The following PCDH7 variants were observed in gnomAD, a reference collection of about 807,000 sequenced individuals.
The protein encoded by PCDH7 is protocadherin 7, also known as protocadherin-7.
A neutral mutation model predicts 58.9 loss-of-function variants in PCDH7; 17 were observed. The ratio of observed to expected loss-of-function variants is 0.29; its 90% confidence interval spans 0.20 to 0.43. PCDH7 has a LOEUF of 0.43. Among genes scored for constraint, PCDH7 ranks in the 20% least tolerant of loss-of-function variants. The probability of loss-of-function intolerance (pLI) is 1.00; values close to 1 mark genes in which losing one functional copy is unlikely to be tolerated. For missense variants in PCDH7, 1,274 were observed against 1,441.0 expected, an observed-to-expected ratio of 0.88 and a Z score of 1.88; for synonymous variants, 664 against 616.4, an observed-to-expected ratio of 1.08 and a Z score of -1.14.
intron 3 of PCDH7, among the ~76,000 whole-genome samples, chr4:31,009,060 T>A (rs141527909): frequency 1.3e-5 from 2 of 152,104 alleles, no homozygotes; most frequent in African/African-American, 2.4e-5. Context: ...ATTTGGAAAA[T>A]TATTGACACA....
chr4:31,118,197 T>C (rs1300650694), intron 3 of PCDH7, among the ~76,000 whole-genome samples: 3 of 152,190 alleles, frequency 2.0e-5, no homozygotes, highest in South Asian at 2.1e-4. Context: ...AAACCCATGG[T>C]TCTTTTAAAA....
chr4:30,851,049 T>A (rs1327792875), intron 1 of PCDH7, among the ~76,000 whole-genome samples: 1 of 152,104 alleles, frequency 6.6e-6, no homozygotes, highest in African/African-American at 2.4e-5. Context: ...TTTATAGGAC[T>A]ACTTTTGGAA....
chr4:31,046,409 A>T (rs1280442436), intron 3 of PCDH7, among the ~76,000 whole-genome samples: 1 of 152,012 alleles, frequency 6.6e-6, no homozygotes, highest in Non-Finnish European at 1.5e-5. Context: ...AGATTATATG[A>T]GTTATATATG....
chr4:30,757,721 C>G (rs1295217571), intron 1 of PCDH7, among the ~76,000 whole-genome samples: 1 of 152,162 alleles, frequency 6.6e-6, no homozygotes, highest in Non-Finnish European at 1.5e-5. Flanking sequence ...AATCACTTTG[C>G]ATTCCAATTA....
intron 3 of PCDH7, among the ~76,000 whole-genome samples, chr4:31,051,868 A>C (rs1022327043): frequency 2.0e-5 from 3 of 151,588 alleles, no homozygotes; most frequent in African/African-American, 7.3e-5. Context: ...ATGATATTTC[A>C]TTTATTTAAT....
At chr4:30,929,355 T>G (rs2109424289) in intron 2 of PCDH7, among the ~76,000 whole-genome samples, 1 of 152,294 alleles carries the variant, frequency 6.6e-6, no homozygotes, top group East Asian at 1.9e-4. Context: ...ATAGGTTGCT[T>G]TGTTTTTAAA....
intron 3 of PCDH7, among the ~76,000 whole-genome samples, chr4:31,077,747 T>C (rs555797832): frequency 6.6e-6 from 1 of 152,264 alleles, no homozygotes; most frequent in South Asian, 2.1e-4. Context: ...ACATTTTATA[T>C]GACAAGATGA....
At chr4:31,140,116 G>A (rs76145880) in intron 3 of PCDH7, among the ~76,000 whole-genome samples, 1,853 of 152,282 alleles carry the variant, frequency 0.012, 18 homozygotes, top group Middle Eastern at 0.024. Flanking sequence ...TTTAATAAAT[G>A]ATTATAATCT....
intron 3 of PCDH7, among the ~76,000 whole-genome samples, chr4:30,964,242 A>ATTT (rs1250300930): frequency 1.2e-4 from 6 of 48,412 alleles, no homozygotes; most frequent in East Asian, 1.2e-3. Flanking sequence ...TTATTTATTT[A>ATTT]TTTATTTATT....
In PCDH7 at chr4:30,721,379, G is replaced by A. The variant is rs1306416249; in HGVS notation, c.-44G>A. Reference sequence around the variant, plus strand: ...GGCCCCGGAGGAGGGGGGCGCCGAGGGGGCTGTGGTTAGAAGGAGCAGTAG... The same window carrying A: ...GGCCCCGGAGGAGGGGGGCGCCGAGAGGGCTGTGGTTAGAAGGAGCAGTAG... On this transcript the variant is annotated 5_prime_UTR_variant, in exon 1 of 2. Transcript: ENST00000361762. This position sits in a 1 kb window ranked among gnomAD's most constrained non-coding sequence, Gnocchi z 6.7. The A allele has an allele frequency of 7.0e-7, 1 of 1,431,888 alleles. No homozygotes were observed. Among genetic ancestry groups the A allele is most frequent in the East Asian group, 2.6e-5 (1 of 39,050 alleles). The allele number at this position is 1,431,888 out of a possible 1,614,324, so 88.7% of individuals were successfully genotyped here.
chr4:31,105,803 C>T (rs1469452797), intron 3 of PCDH7, among the ~76,000 whole-genome samples: 6 of 151,870 alleles, frequency 4.0e-5, no homozygotes, highest in Non-Finnish European at 5.9e-5. Flanking sequence ...GTCAGGAGAT[C>T]GAGACCATCC....
chr4:30,907,018 G>C (rs1273130732), intron 1 of PCDH7, among the ~76,000 whole-genome samples: 1 of 152,026 alleles, frequency 6.6e-6, no homozygotes, highest in Admixed American at 6.6e-5. Flanking sequence ...GTGAGACTCA[G>C]TCTCAAAAAT....
At chr4:31,056,445 A>AAG (rs1206822684) in intron 3 of PCDH7, among the ~76,000 whole-genome samples, 642 of 52,238 alleles carry the variant, frequency 0.012, 14 homozygotes, top group African/African-American at 0.064. Flanking sequence ...AAAGAAGGAA[A>AAG]GAAAGAAAGA....
chr4:30,733,263 G>T (rs1482090143), downstream of PCDH7, among the ~76,000 whole-genome samples: 1 of 152,148 alleles, frequency 6.6e-6, no homozygotes, highest in Non-Finnish European at 1.5e-5. Context: ...TTCAAAATCT[G>T]AGAAGGAATA....
intron 2 of PCDH7, among the ~76,000 whole-genome samples, chr4:30,943,225 C>G (rs529904461): frequency 1.3e-5 from 2 of 152,052 alleles, no homozygotes; most frequent in Non-Finnish European, 2.9e-5. Flanking sequence ...CTTCAGTCCT[C>G]TCTTCACCAC....
chr4:31,004,687 A>G (rs561709940), intron 3 of PCDH7, among the ~76,000 whole-genome samples: 3 of 152,326 alleles, frequency 2.0e-5, no homozygotes, highest in South Asian at 4.1e-4. Flanking sequence ...CTCTCATCTC[A>G]AAAAGAATGA....
intron 3 of PCDH7, among the ~76,000 whole-genome samples, chr4:30,962,793 A>G (rs28538236): frequency 1.4e-5 from 2 of 140,730 alleles, no homozygotes; most frequent in East Asian, 2.1e-4. Flanking sequence ...AAAAAAAAAA[A>G]AAAAAAAAAA....
At chr4:31,021,703 G>C (rs1754033158) in intron 3 of PCDH7, among the ~76,000 whole-genome samples, 1 of 151,972 alleles carries the variant, frequency 6.6e-6, no homozygotes, top group African/African-American at 2.4e-5. Context: ...TTTTTTTAAT[G>C]GGTCAGTCTT....
chr4:30,725,323 A>T (rs1028178697), intron 1 of PCDH7: 39 of 985,090 alleles, frequency 4.0e-5, no homozygotes, highest in Non-Finnish European at 4.5e-5. Flanking sequence ...AATACATTGC[A>T]TGAGCCATTT....
Sources: allele counts gnomAD v4.1 joint callset (sites outside exome capture counted in the v4.1 genomes callset), GRCh38; gene constraint gnomAD v4.1.1; non-coding constraint Gnocchi (gnomAD v3.1); transcripts MANE v1.5; gene names NCBI Gene and HGNC (gene_info 2026-07-23, HGNC 2026-07-21).